Variants in DHX30 observed in about 807,000 individuals in gnomAD.
DHX30 encodes the protein DExH-box helicase 30.
In DHX30, 4 loss-of-function variants were observed where a neutral mutation model predicts 116.9. The observed-to-expected ratio is 0.03, with a 90% CI of 0.02 to 0.08. The LOEUF (loss-of-function observed/expected upper bound fraction) is 0.08, where lower values mean the gene tolerates loss of function less well. Ranked by LOEUF, DHX30 falls within the 10% of genes least tolerant of loss-of-function variation. The pLI is 1.00. For missense variants in DHX30, 871 were observed against 1,595.1 expected (o/e 0.55, Z 7.73); for synonymous variants, 697 against 651.7 (o/e 1.07, Z -1.06).
intron 6 of DHX30, among the ~76,000 whole-genome samples, chr3:47,833,750 C>G (rs111474301): frequency 0.01 from 1,544 of 147,210 alleles, 30 homozygotes; most frequent in African/African-American, 0.036. Context: ...CCCAGCTACT[C>G]GGGAGGCTGA....
rs1300283754 is a variant in DHX30, at chr3:47,846,330, C to G, written c.1258C>G (p.Leu420Val). The part of the protein sequence containing the change: ...EVRLSQSLLE[L>V]WRRRGPVWQE... ...ACGTCTCAGCCAGAGTCTGCTAGAACTGTGGCGGCGGCGAGGGCCGGTCTG... is the reference window on the plus strand; with the variant it reads ...ACGTCTCAGCCAGAGTCTGCTAGAAGTGTGGCGGCGGCGAGGGCCGGTCTG... Residue 420 changes from leucine to valine, a missense_variant, in exon 11 of 22, where the codon CTG becomes GTG. By Grantham distance (32) the Leu-to-Val change is conservative. Transcript: ENST00000445061. The G allele has an allele frequency of 1.9e-6, 3 of 1,614,080 alleles. No individual in the cohort carries two copies. Among genetic ancestry groups the G allele is most frequent in the Non-Finnish European group, 1.7e-6 (2 of 1,180,056 alleles).
chr3:47,827,269 G>T, intron 4 of DHX30, 78 bp from the exon 5 acceptor site: 1 of 1,447,250 alleles, frequency 6.9e-7, no homozygotes, highest in African/African-American at 1.4e-5. Context: ...ATCCAGCCCA[G>T]GGTTGCCCTG....
intron 6 of DHX30, among the ~76,000 whole-genome samples, chr3:47,832,617 A>G (rs1038494918): frequency 3.3e-5 from 5 of 151,372 alleles, no homozygotes; most frequent in Non-Finnish European, 5.9e-5. Flanking sequence ...TCCTCACGGA[A>G]CATCTAATTC....
In DHX30 at chr3:47,810,719, T is replaced by G. The variant is rs747389775; in HGVS notation, c.28+8T>G. The G allele has an allele frequency of 1.2e-6, 2 of 1,613,996 alleles. No individual in the cohort carries two copies. Among genetic ancestry groups the G allele is most frequent in the Admixed American group, 3.3e-5 (2 of 60,012 alleles). ...TGGACTCATTCAGAAAAGGTAAGAC[T>G]GCAACTGTGCTTGTGACCTCATGCC... On this transcript the variant is annotated splice_region_variant and intron_variant, in intron 3 of 21. Transcript: ENST00000445061.
At chr3:47,825,219 TG>T (rs1377888471) in intron 4 of DHX30, 1 of 637,696 alleles carries the variant, frequency 1.6e-6, no homozygotes, top group Non-Finnish European at 2.8e-6. Context: ...CCGGCGGGCC[TG>T]GGGAAGGCGA....
chr3:47,810,289 A>G (rs1353792051), intron 2 of DHX30, among the ~76,000 whole-genome samples: 1 of 152,158 alleles, frequency 6.6e-6, no homozygotes, highest in Non-Finnish European at 1.5e-5. Flanking sequence ...ACCTGCAAGT[A>G]TTATGATAAC....
chr3:47,813,612 G>A (rs1038095720), intron 3 of DHX30, among the ~76,000 whole-genome samples: 11 of 152,204 alleles, frequency 7.2e-5, no homozygotes, highest in African/African-American at 2.4e-4. Context: ...GCTTCTGTCT[G>A]AGGATATTTT....
At chr3:47,804,769 G>C (rs2106918662) in intron 1 of DHX30, among the ~76,000 whole-genome samples, 1 of 152,310 alleles carries the variant, frequency 6.6e-6, no homozygotes, top group East Asian at 1.9e-4. Flanking sequence ...ATTTCCATCT[G>C]CCCTGAGGCA....
Position 47,846,150 on chromosome 3 carries a change from C to A in DHX30, c.1093-15C>A. The A allele has an allele frequency of 6.3e-7, 1 of 1,594,900 alleles. No individual in the cohort carries two copies. Among genetic ancestry groups the A allele is most frequent in the South Asian group, 1.1e-5 (1 of 90,660 alleles). The stretch of plus-strand genomic sequence containing the variant: ...ATTTCTTTTTCATTGTTTTGCTTGC[C>A]TCCCTGCCCTCCAGTACCCTGTGGA... On this transcript the variant is annotated splice_polypyrimidine_tract_variant and intron_variant, in intron 10 of 21. Transcript: ENST00000445061.
chr3:47,829,007 T>C lies in DHX30; in HGVS notation c.256-17T>C, dbSNP rs1487380172. The C allele has an allele frequency of 1.3e-6, 2 of 1,544,980 alleles. No homozygotes were observed. Among genetic ancestry groups the C allele is most frequent in the African/African-American group, 2.7e-5 (2 of 73,366 alleles). On this transcript the variant is annotated splice_polypyrimidine_tract_variant and intron_variant, in intron 5 of 21. Transcript: ENST00000445061. ...CTGGAGTGGCAAGACTTCTGATTTC[T>C]CTCTTCTCTTCCCCAGAAAGTCACA...
At chr3:47,832,300 TTC>T (rs2036896785) in intron 6 of DHX30, among the ~76,000 whole-genome samples, 3 of 152,284 alleles carry the variant, frequency 2.0e-5, no homozygotes, top group Admixed American at 6.5e-5. Context: ...TGCTTCTCTT[TTC>T]TCTCTAGGTC....
chr3:47,808,804 G>A (rs1420334089), intron 2 of DHX30, among the ~76,000 whole-genome samples: 2 of 151,166 alleles, frequency 1.3e-5, no homozygotes, highest in East Asian at 3.9e-4. Flanking sequence ...TCGAACTTCT[G>A]ACCTCAGGGT....
In DHX30 at chr3:47,847,526, C is replaced by T. The variant is rs1187999154; in HGVS notation, c.2100C>T (p.Leu700=). ...TGGGCATGCACGAGAGCAAGTACCTCATCCTGCCAGGTGAGAGCCCCGGCG... is the reference window on the plus strand; with the variant it reads ...TGGGCATGCACGAGAGCAAGTACCTTATCCTGCCAGGTGAGAGCCCCGGCG... ...EALGMHESKY[L]ILPVHSNIPM... is the part of the protein sequence containing the mutation. The change falls in exon 13 of 22, where the codon CTC becomes CTT. Residue 700 remains leucine, a synonymous_variant. Coordinates refer to ENST00000445061, the MANE Select transcript of DHX30 (RefSeq NM_138615.3). This position sits in a 1 kb window ranked among gnomAD's most constrained non-coding sequence, Gnocchi z 5.5. 2.5e-6 allele frequency: 4 copies of T among 1,607,934 alleles called. No homozygotes were observed. The highest frequency in any genetic ancestry group is 4.5e-5 in the East Asian group (2 of 44,586).
At chr3:47,825,004 C>T (rs556930252) in intron 4 of DHX30, 1 of 598,998 alleles carries the variant, frequency 1.7e-6, no homozygotes, top group Non-Finnish European at 2.9e-6. Flanking sequence ...CGCCCGGTCC[C>T]TGCCGCGCAC....
chr3:47,831,672 CTTTT>C (rs775768382), intron 6 of DHX30, among the ~76,000 whole-genome samples: 5 of 137,280 alleles, frequency 3.6e-5, no homozygotes, highest in African/African-American at 1.3e-4. Flanking sequence ...CCTCTAGTTA[CTTTT>C]TTTTTTTTTT....
chr3:47,845,235 T>C (rs570454878), intron 9 of DHX30, among the ~76,000 whole-genome samples: 4 of 152,304 alleles, frequency 2.6e-5, no homozygotes, highest in Admixed American at 2.6e-4. Context: ...TCGCCCAGGC[T>C]GGAGTGCACC....
chr3:47,835,348 A>G (rs372273474), intron 6 of DHX30, among the ~76,000 whole-genome samples: 3 of 151,774 alleles, frequency 2.0e-5, no homozygotes, highest in Non-Finnish European at 4.4e-5. Flanking sequence ...TTGTATTTTT[A>G]CTAGAGATGG....
At chr3:47,807,796 G>T (rs899794778) in intron 2 of DHX30, among the ~76,000 whole-genome samples, 2 of 150,494 alleles carry the variant, frequency 1.3e-5, no homozygotes, top group Admixed American at 1.3e-4. Flanking sequence ...GGGTCTCACT[G>T]TGTTGCCTAG....
intron 4 of DHX30, among the ~76,000 whole-genome samples, chr3:47,824,514 A>G (rs1372933320): frequency 6.6e-6 from 1 of 152,046 alleles, no homozygotes; most frequent in African/African-American, 2.4e-5. Flanking sequence ...CTGGTCTCAA[A>G]ATCCTGGGCT....
Sources: gnomAD v4.1 joint callset for allele counts (sites outside exome capture counted in the v4.1 genomes callset) on GRCh38, gnomAD v4.1.1 for gene constraint, Gnocchi (gnomAD v3.1) non-coding constraint, MANE v1.5 for transcripts, NCBI Gene and HGNC (gene_info 2026-07-23, HGNC 2026-07-21) for gene names.